SYNJ2: variants seen among roughly 807,000 people sequenced by gnomAD.
SYNJ2 encodes synaptojanin 2, also known as polyphosphatidylinositol phosphatase SYNJ2.
Under a neutral mutation model 141.3 loss-of-function variants are expected in SYNJ2, and 116 were observed. The observed-to-expected ratio is 0.82, with a 90% CI of 0.71 to 0.96. The LOEUF is 0.96. Among genes scored for constraint, SYNJ2 ranks in the 40% least tolerant of loss-of-function variants. The pLI is 0.00. For missense variants in SYNJ2, 1,873 were observed against 1,934.8 expected (o/e 0.97, Z 0.60); for synonymous variants, 745 against 777.7 (o/e 0.96, Z 0.70).
At chr6:158,000,064 C>CT (rs58284240) in intron 1 of SYNJ2, among the ~76,000 whole-genome samples, 999 of 85,510 alleles carry the variant, frequency 0.012, 269 homozygotes, top group Non-Finnish European at 0.017. Flanking sequence ...AGCCAAAAGG[C>CT]TTTTTTTTTT....
intron 7 of SYNJ2, among the ~76,000 whole-genome samples, chr6:158,060,494 C>T (rs748762625): frequency 2.6e-5 from 4 of 152,226 alleles, no homozygotes; most frequent in Non-Finnish European, 2.9e-5. Flanking sequence ...AGCTCGAAGT[C>T]GCCTCACTGG....
At chr6:157,999,520 G>A (rs998112593) in intron 1 of SYNJ2, among the ~76,000 whole-genome samples, 1 of 152,252 alleles carries the variant, frequency 6.6e-6, no homozygotes, top group Non-Finnish European at 1.5e-5. Context: ...GAGCACCCCT[G>A]TGTAGCTTCC....
chr6:158,074,214 C>G (rs1254678059), intron 15 of SYNJ2, among the ~76,000 whole-genome samples: 1 of 152,162 alleles, frequency 6.6e-6, no homozygotes, highest in Non-Finnish European at 1.5e-5. Context: ...CCTCATTCTC[C>G]TAACGCTGAA....
intron 22 of SYNJ2, among the ~76,000 whole-genome samples, chr6:158,086,229 G>C (rs1400460898): frequency 6.6e-6 from 1 of 152,150 alleles, no homozygotes. Flanking sequence ...CCCATGCTTT[G>C]GGGGAGCCCT....
chr6:158,074,019 C>G (rs1782109932), intron 15 of SYNJ2, among the ~76,000 whole-genome samples: 1 of 151,908 alleles, frequency 6.6e-6, no homozygotes, highest in South Asian at 2.1e-4. Context: ...TTCCCCATTC[C>G]TGGGGAAGAG....
chr6:158,096,231 C>G lies in SYNJ2; in HGVS notation c.4358C>G (p.Ser1453Ter). The change falls in exon 27 of 27, where the codon TCA (serine) becomes TGA (stop). Residue 1453 changes from serine (S) to a stop codon, truncating the protein, a stop_gained. Coordinates refer to ENST00000355585, the MANE Select transcript of SYNJ2 (RefSeq NM_003898.4). LOFTEE classifies it low-confidence loss of function (END_TRUNC). Reference protein sequence around the residue: ...SPKRDPIDPVSAGASAAKAEL... With the variant: ...SPKRDPIDPV ...AAAAGAGATCCCATAGACCCAGTGT[C>G]AGCTGGCGCTTCAGCTGCCAAGGCA... The G allele has an allele frequency of 6.2e-7, 1 of 1,614,264 alleles. No individual in the cohort carries two copies. Among genetic ancestry groups the G allele is most frequent in the Non-Finnish European group, 8.5e-7 (1 of 1,180,058 alleles).
At chr6:158,066,700 C>CT in intron 12 of SYNJ2, 65 bp downstream of exon 12, 1 of 1,556,840 alleles carries the variant, frequency 6.4e-7, no homozygotes, top group Non-Finnish European at 8.7e-7. Flanking sequence ...TCACGCTTGA[C>CT]CCTTTAGTGG....
rs1269044714 is a variant in SYNJ2 at position 158,071,846 on chromosome 6, A to G, written c.2133+52A>G. 2 of 1,574,890 alleles carry G rather than the reference A, an allele frequency of 1.3e-6. No homozygotes were observed. Among genetic ancestry groups the G allele is most frequent in the Non-Finnish European group, 1.7e-6 (2 of 1,160,644 alleles). On this transcript the variant is annotated intron_variant, in intron 15 of 26. Transcript: ENST00000355585. This position sits in a 1 kb window ranked among gnomAD's most constrained non-coding sequence, Gnocchi z 4.3. ...CACCTCCCTGCTCAGCTCAGTCCCA[A>G]ATGTGACTGTTGATAGGAGCCAGGC...
chr6:158,032,818 C>T (rs1486259051), intron 3 of SYNJ2, among the ~76,000 whole-genome samples: 2 of 152,226 alleles, frequency 1.3e-5, no homozygotes, highest in Non-Finnish European at 2.9e-5. Context: ...TCGTTATCAT[C>T]ATGGACTCTA....
At position 158,040,291 on chromosome 6, in the gene SYNJ2, TTG is replaced by T. The variant is rs1316516593; in HGVS notation, c.712-3023_712-3022del. 5.9e-5 allele frequency among the ~76,000 whole-genome samples: 9 copies of T among 152,296 alleles called. No homozygotes were observed. Among genetic ancestry groups the T allele is most frequent in the African/African-American group, 1.9e-4 (8 of 41,558 alleles). ...CATGTGTGTGGTGTGTGCCTTGTGT[TTG>T]TTTTTCATGTGTATGTGTGCAGTGT... On this transcript the variant is annotated intron_variant, in intron 4 of 26. Coordinates refer to ENST00000355585, the MANE Select transcript of SYNJ2 (RefSeq NM_003898.4). This position sits in a 1 kb window ranked among gnomAD's most constrained non-coding sequence, Gnocchi z 4.2.
intron 26 of SYNJ2, chr6:158,094,085 G>C: frequency 1.4e-6 from 1 of 704,336 alleles, no homozygotes; most frequent in Non-Finnish European, 2.6e-6. Flanking sequence ...CCCCCCTAGA[G>C]AGTGTGAGGG....
chr6:158,069,773 C>T (rs949750673), intron 14 of SYNJ2, 100 bp downstream of exon 14: 1 of 1,390,630 alleles, frequency 7.2e-7, no homozygotes, highest in African/African-American at 1.4e-5. Flanking sequence ...CCTTCTGTAA[C>T]AGGAATCGGG....
At chr6:158,007,772 A>G (rs1410214525) in intron 1 of SYNJ2, among the ~76,000 whole-genome samples, 1 of 152,110 alleles carries the variant, frequency 6.6e-6, no homozygotes, top group Non-Finnish European at 1.5e-5. Context: ...CCTCCTGAGT[A>G]GCTGGAGTTA....
At position 157,982,101 on chromosome 6, in the gene SYNJ2, C is replaced by T; in HGVS notation, c.127+13C>T. The T allele has an allele frequency of 7.6e-7, 1 of 1,314,932 alleles. No homozygotes were observed. The highest frequency in any genetic ancestry group is 9.7e-7 in the Non-Finnish European group (1 of 1,033,444). The allele number at this position is 1,314,932 out of a possible 1,614,324, so 81.5% of individuals were successfully genotyped here. A position where few individuals can be genotyped will look rare whatever the true frequency, so the allele number is the denominator to read the frequency against. On this transcript the variant is annotated intron_variant, in intron 1 of 26. Transcript: ENST00000355585. This position sits in a 1 kb window ranked among gnomAD's most constrained non-coding sequence, Gnocchi z 4.0. Reference sequence around the variant, plus strand: ...GTGGCCACGCTGGGTGAGTCCGGGCCGGGGGCAGCGACGCCCGGAGGAGAG... The same window carrying T: ...GTGGCCACGCTGGGTGAGTCCGGGCTGGGGGCAGCGACGCCCGGAGGAGAG...
At chr6:158,079,945 G>A (rs948795366) in intron 18 of SYNJ2, among the ~76,000 whole-genome samples, 7 of 152,186 alleles carry the variant, frequency 4.6e-5, no homozygotes. Flanking sequence ...AAGAAAAAAA[G>A]TAGTGGCAGG....
At chr6:158,014,626 G>T (rs9365725) in intron 1 of SYNJ2, among the ~76,000 whole-genome samples, 84,771 of 151,948 alleles carry the variant, frequency 0.56, 24,299 homozygotes, top group Middle Eastern at 0.73. Context: ...AGAAATGGAG[G>T]AAGGGAGGTC....
intron 2 of SYNJ2, among the ~76,000 whole-genome samples, chr6:158,019,831 T>C (rs1246753037): frequency 6.6e-6 from 1 of 152,268 alleles, no homozygotes; most frequent in African/African-American, 2.4e-5. Flanking sequence ...GAAAGCACCC[T>C]GAGCATCTGA....
intron 5 of SYNJ2, among the ~76,000 whole-genome samples, chr6:158,052,117 A>G (rs1418494867): frequency 6.6e-6 from 1 of 152,224 alleles, no homozygotes; most frequent in East Asian, 1.9e-4. Flanking sequence ...TTATACAATG[A>G]TACATGAAGC....
At chr6:157,985,057 C>G (rs1777150623) in intron 1 of SYNJ2, among the ~76,000 whole-genome samples, 1 of 152,234 alleles carries the variant, frequency 6.6e-6, no homozygotes, top group South Asian at 2.1e-4. Flanking sequence ...AGGCGCTGCC[C>G]CTTCATAGCA....
Sources: gnomAD v4.1 joint callset for allele counts (sites outside exome capture counted in the v4.1 genomes callset) on GRCh38, gnomAD v4.1.1 for gene constraint, Gnocchi (gnomAD v3.1) non-coding constraint, MANE v1.5 for transcripts, NCBI Gene and HGNC (gene_info 2026-07-23, HGNC 2026-07-21) for gene names.